ERCC8: variants seen among roughly 807,000 people sequenced by gnomAD.
The protein encoded by ERCC8 is ERCC excision repair 8, CSA ubiquitin ligase complex subunit.
A neutral mutation model predicts 54.9 loss-of-function variants in ERCC8; 52 were observed. That is an observed-to-expected ratio of 0.95 (90% CI 0.76 to 1.19). ERCC8 has a LOEUF of 1.19. Among genes scored for constraint, ERCC8 ranks in the 50% most tolerant of loss-of-function variants. The probability of loss-of-function intolerance (pLI) is 0.00; values close to 1 mark genes in which losing one functional copy is unlikely to be tolerated. For synonymous variants in ERCC8, 146 were observed against 157.2 expected (o/e 0.93, Z 0.53); for missense variants, 514 against 466.1 (o/e 1.10, Z -0.95).
intron 11 of ERCC8, among the ~76,000 whole-genome samples, chr5:60,877,507 G>A (rs1258766015): frequency 6.6e-6 from 1 of 152,192 alleles, no homozygotes; most frequent in Non-Finnish European, 1.5e-5. Flanking sequence ...CTACCCATGA[G>A]CATGGAATGT....
intron 11 of ERCC8, among the ~76,000 whole-genome samples, chr5:60,882,285 T>C (rs960786749): frequency 1.3e-5 from 2 of 152,244 alleles, no homozygotes; most frequent in African/African-American, 4.8e-5. Context: ...TTTCCAAGTA[T>C]CAGCTAGAAG....
chr5:60,892,423 A>T, intron 9 of ERCC8: 1 of 549,850 alleles, frequency 1.8e-6, no homozygotes, highest in South Asian at 1.5e-5. Context: ...TCATTTCCTT[A>T]ATTCTCAGCA....
intron 1 of ERCC8, among the ~76,000 whole-genome samples, chr5:60,941,751 C>T (rs911798892): frequency 2.6e-5 from 4 of 152,074 alleles, no homozygotes; most frequent in African/African-American, 9.7e-5. Context: ...ATTAGACCTA[C>T]TCTAAAAAAA....
rs1747828935 is a variant in ERCC8, at chr5:60,870,020, T to G, written c.*4595A>C. 6.6e-6 allele frequency among the ~76,000 whole-genome samples: 1 copy of G among 152,202 alleles called. No homozygotes were observed. The highest frequency in any genetic ancestry group is 1.5e-5 in the Non-Finnish European group (1 of 68,040). On this transcript the variant is annotated 3_prime_UTR_variant, in exon 12 of 12. Coordinates refer to ENST00000676185, the MANE Select transcript of ERCC8 (RefSeq NM_000082.4). ...TGAATAAGGGTTGACAAATACCAGT[T>G]GAATAAACAATTATTAAAAAGTTTC... is the stretch of plus-strand genomic sequence containing the variant.
rs1443003795 is a variant in ERCC8 at position 60,866,755 on chromosome 5, C to G, written c.*7860G>C. The G allele has an allele frequency of 6.6e-6, 1 of 152,146 alleles. No individual in the cohort carries two copies. Among genetic ancestry groups the G allele is most frequent in the Non-Finnish European group, 1.5e-5 (1 of 68,038 alleles). 9.4% of individuals were successfully genotyped at this position (152,146 alleles called of 1,614,324 possible). A position where few individuals can be genotyped will look rare whatever the true frequency, so the allele number is the denominator to read the frequency against. On this transcript the variant is annotated 3_prime_UTR_variant, in exon 12 of 12. Transcript: ENST00000676185. ...GAACCTAAGCCTCTAATTATTTATG[C>G]ATACCATTTTTAAATGCTTTAGAAA...
At chr5:60,935,644 T>C (rs1228029941) in intron 1 of ERCC8, among the ~76,000 whole-genome samples, 1 of 152,212 alleles carries the variant, frequency 6.6e-6, no homozygotes, top group Non-Finnish European at 1.5e-5. Flanking sequence ...TCCCAACTTT[T>C]CCCCTTTCAG....
At chr5:60,892,523 T>G in intron 9 of ERCC8, 1 of 609,062 alleles carries the variant, frequency 1.6e-6, no homozygotes, top group Non-Finnish European at 3.2e-6. Context: ...CAGTTTTGGC[T>G]GCCTGCTCCT....
chr5:60,943,886 C>T (rs1158986806), intron 1 of ERCC8, among the ~76,000 whole-genome samples: 4 of 152,126 alleles, frequency 2.6e-5, no homozygotes, highest in Admixed American at 2.6e-4. Flanking sequence ...AAAAAAAACA[C>T]ATTAAAGGAA....
At chr5:60,892,217 G>A in intron 9 of ERCC8, 1 of 536,934 alleles carries the variant, frequency 1.9e-6, no homozygotes, top group Non-Finnish European at 3.8e-6. Flanking sequence ...GCAATAACCA[G>A]TGAGATCTCC....
At chr5:60,877,237 A>G (rs1436783664) in intron 11 of ERCC8, among the ~76,000 whole-genome samples, 1 of 152,138 alleles carries the variant, frequency 6.6e-6, no homozygotes, top group Non-Finnish European at 1.5e-5. Context: ...CCATTGGTCT[A>G]TATCTCTGTT....
chr5:60,917,917 A>G (rs577899005), intron 4 of ERCC8: 63 of 225,226 alleles, frequency 2.8e-4, no homozygotes, highest in African/African-American at 1.4e-3. Flanking sequence ...ATTTTTCACA[A>G]AGGGATAATA....
intron 9 of ERCC8, among the ~76,000 whole-genome samples, chr5:60,898,020 C>G (rs541995277): frequency 4.6e-5 from 7 of 152,134 alleles, no homozygotes; most frequent in Non-Finnish European, 8.8e-5. Context: ...TTTTTCTCTA[C>G]TACGCTTTGC....
At chr5:60,902,045 T>C (rs1373381284) in intron 7 of ERCC8, among the ~76,000 whole-genome samples, 1 of 152,068 alleles carries the variant, frequency 6.6e-6, no homozygotes, top group Non-Finnish European at 1.5e-5. Flanking sequence ...AGCACAATGC[T>C]TGGCACGTGG....
chr5:60,881,903 C>A (rs1225649569), intron 11 of ERCC8, among the ~76,000 whole-genome samples: 1 of 152,224 alleles, frequency 6.6e-6, no homozygotes, highest in East Asian at 1.9e-4. Context: ...GTGAGATGAA[C>A]CTGGTACCTC....
rs757354905 is a variant in ERCC8 at position 60,898,256 on chromosome 5, T to C, written c.843+20A>G. On this transcript the variant is annotated intron_variant, in intron 9 of 11. Coordinates refer to ENST00000676185, the MANE Select transcript of ERCC8 (RefSeq NM_000082.4). Reference sequence around the variant, plus strand: ...CCATTTCTTAATTTATACCCAAATATATACTTAAAAATCTCTTACAAGTGT... The same window carrying C: ...CCATTTCTTAATTTATACCCAAATACATACTTAAAAATCTCTTACAAGTGT... 1 of 1,611,048 alleles carries C rather than the reference T, an allele frequency of 6.2e-7. No individual in the cohort carries two copies. The highest frequency in any genetic ancestry group is 8.5e-7 in the Non-Finnish European group (1 of 1,177,594).
At chr5:60,894,865 T>C (rs1748676280) in intron 9 of ERCC8, among the ~76,000 whole-genome samples, 1 of 152,102 alleles carries the variant, frequency 6.6e-6, no homozygotes. Context: ...TCAGGGCTAA[T>C]ATTGAAGTTT....
Position 60,919,216 on chromosome 5 carries a change from C to T in ERCC8, c.276-828G>A, listed in dbSNP as rs551462692. Among the ~76,000 whole-genome samples, 19 of 151,966 alleles carry T rather than the reference C, an allele frequency of 1.3e-4. 1 individual carries two copies. Among genetic ancestry groups the T allele is most frequent in the Admixed American group, 1.1e-3 (16 of 15,228 alleles). Reference sequence around the variant, plus strand: ...AGAGATATAAATAATTATGAATAAACGATAGGTTGTTCGAGATTTGCTTCA... The same window carrying T: ...AGAGATATAAATAATTATGAATAAATGATAGGTTGTTCGAGATTTGCTTCA... On this transcript the variant is annotated intron_variant, in intron 3 of 11. Coordinates refer to ENST00000676185, the MANE Select transcript of ERCC8 (RefSeq NM_000082.4).
chr5:60,920,153 T>G (rs1383040688), intron 3 of ERCC8, among the ~76,000 whole-genome samples: 1 of 151,988 alleles, frequency 6.6e-6, no homozygotes, highest in Non-Finnish European at 1.5e-5. Flanking sequence ...GGTGTGACCC[T>G]GACTGTGTTC....
chr5:60,891,867 A>T (rs1358617618), intron 9 of ERCC8: 1 of 424,692 alleles, frequency 2.4e-6, no homozygotes, highest in Non-Finnish European at 4.6e-6. Context: ...AAACTATTTC[A>T]CTGGTAATCT....
Sources: gnomAD v4.1 joint callset for allele counts (sites outside exome capture counted in the v4.1 genomes callset) on GRCh38, gnomAD v4.1.1 for gene constraint, MANE v1.5 for transcripts, NCBI Gene and HGNC (gene_info 2026-07-23, HGNC 2026-07-21) for gene names.